Variants in NOS1 observed in about 807,000 individuals in gnomAD.
NOS1 encodes the protein nitric oxide synthase 1.
Under a neutral mutation model 164.5 loss-of-function variants are expected in NOS1, and 51 were observed. The ratio of observed to expected loss-of-function variants is 0.31; its 90% CI spans 0.25 to 0.39. NOS1 has a LOEUF of 0.39. Among genes scored for constraint, NOS1 ranks in the 10% least tolerant of loss-of-function variants. The pLI, the probability that NOS1 is intolerant of heterozygous loss-of-function variation, is 1.00. For missense variants in NOS1, 1,362 were observed against 1,885.6 expected (o/e 0.72, Z 5.14); for synonymous variants, 719 against 745.8 (o/e 0.96, Z 0.59).
At position 117,238,458 on chromosome 12, in the gene NOS1, G is replaced by A. The variant is rs1869899073; in HGVS notation, c.3042-3700C>T. Among the ~76,000 whole-genome samples the A allele has an allele frequency of 2.0e-5, 3 of 152,266 alleles. No homozygotes were observed. The South Asian group carries it at 6.2e-4, about 32-fold the overall frequency. ...CCCCCCTGCATTTCACCGTGGATCTGGCAACCCATTTCTCCAGGACCCCTC... is the reference window on the plus strand; with the variant it reads ...CCCCCCTGCATTTCACCGTGGATCTAGCAACCCATTTCTCCAGGACCCCTC... On this transcript the variant is annotated intron_variant, in intron 20 of 28. Transcript: ENST00000317775.
At chr12:117,326,922 G>A (rs2136071116) in intron 2 of NOS1, among the ~76,000 whole-genome samples, 1 of 152,274 alleles carries the variant, frequency 6.6e-6, no homozygotes, top group Non-Finnish European at 1.5e-5. Context: ...CTGGGGGAGA[G>A]GATCAAACGA....
At chr12:117,288,826 T>C (rs927889454) in intron 4 of NOS1, among the ~76,000 whole-genome samples, 1 of 152,172 alleles carries the variant, frequency 6.6e-6, no homozygotes, top group African/African-American at 2.4e-5. Flanking sequence ...AAGCCCAAGC[T>C]AGCTTGCTGG....
intron 1 of NOS1, among the ~76,000 whole-genome samples, chr12:117,355,167 T>C (rs1876801040): frequency 3.3e-5 from 5 of 152,124 alleles, no homozygotes; most frequent in Admixed American, 3.3e-4. Flanking sequence ...GCATCTTGGA[T>C]GGTCAAAAAG....
Position 117,263,917 on chromosome 12 carries a change from G to A in NOS1, c.2194C>T (p.Arg732Ter). 2 of 1,613,802 alleles carry A rather than the reference G, an allele frequency of 1.2e-6. No individual in the cohort carries two copies. Among genetic ancestry groups the A allele is most frequent in the Non-Finnish European group, 1.7e-6 (2 of 1,179,892 alleles). ...KGTNGTPTKR[R>*]AIGFKKLAEA... ...GCTAGCTTCTTGAAGCCAATGGCTCGCCGCTTTGTGGGGGTCCCGTTGGTG... is the reference window on the plus strand; with the variant it reads ...GCTAGCTTCTTGAAGCCAATGGCTCACCGCTTTGTGGGGGTCCCGTTGGTG... Residue 732 changes from arginine (R) to a stop codon, truncating the protein, a stop_gained, in exon 13 of 29, where the codon CGA becomes TGA. Transcript: ENST00000317775. LOFTEE classifies it high-confidence loss of function.
At chr12:117,294,050 CA>C (rs1344732814) in intron 3 of NOS1, among the ~76,000 whole-genome samples, 1 of 152,186 alleles carries the variant, frequency 6.6e-6, no homozygotes, top group African/African-American at 2.4e-5. Context: ...ATTGTGCCCA[CA>C]ACCTGTATCA....
chr12:117,344,146 G>A (rs1566084912), intron 1 of NOS1, among the ~76,000 whole-genome samples: 3 of 152,166 alleles, frequency 2.0e-5, no homozygotes, highest in African/African-American at 4.8e-5. Flanking sequence ...AGGACAGGAG[G>A]GAAAATATTC....
intron 2 of NOS1, among the ~76,000 whole-genome samples, chr12:117,326,975 A>G (rs922028414): frequency 3.3e-5 from 5 of 152,138 alleles, no homozygotes; most frequent in Non-Finnish European, 7.3e-5. Flanking sequence ...TCTGGAAGAG[A>G]GGGTGCACTG....
chr12:117,243,813 T>C lies in NOS1; in HGVS notation c.2824-378A>G, dbSNP rs1870398282. On this transcript the variant is annotated intron_variant, in intron 18 of 28. Transcript: ENST00000317775. The surrounding 1 kb of genome is among the most constrained non-coding windows in gnomAD (Gnocchi z 4.3). Reference sequence around the variant, plus strand: ...CCATGCATCCATCCTTCCCTCCATCTACCCACCCACTCATCCATCTTTCCA... The same window carrying C: ...CCATGCATCCATCCTTCCCTCCATCCACCCACCCACTCATCCATCTTTCCA... Among the ~76,000 whole-genome samples, 1 of 144,964 alleles carries C rather than the reference T, an allele frequency of 6.9e-6. No homozygotes were observed. The highest frequency in any genetic ancestry group is 2.5e-5 in the African/African-American group (1 of 39,692).
intron 2 of NOS1, among the ~76,000 whole-genome samples, chr12:117,329,557 G>A (rs1227045991): frequency 6.6e-6 from 1 of 152,114 alleles, no homozygotes; most frequent in Non-Finnish European, 1.5e-5. Flanking sequence ...ACTTCTCTCT[G>A]TGTTTAATCT....
chr12:117,333,996 A>G (rs1875678471), intron 1 of NOS1, among the ~76,000 whole-genome samples: 1 of 152,242 alleles, frequency 6.6e-6, no homozygotes, highest in African/African-American at 2.4e-5. Context: ...AGCAACTGAA[A>G]GGCGACCTCT....
In NOS1 at chr12:117,215,032, C is replaced by T. The variant is rs996653182; in HGVS notation, c.*277G>A. 3.4e-6 allele frequency: 4 copies of T among 1,184,854 alleles called. No homozygotes were observed. The highest frequency in any genetic ancestry group is 7.2e-5 in the East Asian group (2 of 27,700). The allele number at this position is 1,184,854 out of a possible 1,614,324, so 73.4% of individuals were successfully genotyped here. ...CCATGTTCCAGTGGTTTCATGCACC[C>T]GTGAGTTGCCCTTGTCGGCAAGAGA... On this transcript the variant is annotated 3_prime_UTR_variant, in exon 29 of 29. Transcript: ENST00000317775.
intron 3 of NOS1, among the ~76,000 whole-genome samples, chr12:117,294,817 C>T (rs973295008): frequency 3.3e-5 from 5 of 152,120 alleles, no homozygotes; most frequent in Non-Finnish European, 5.9e-5. Flanking sequence ...GACATTGGCT[C>T]GCTCTTTGTG....
chr12:117,268,016 C>A, intron 11 of NOS1, 27 bp downstream of exon 11: 4 of 1,511,148 alleles, frequency 2.6e-6, no homozygotes, highest in Non-Finnish European at 3.7e-6. Context: ...TGAAGCTTGA[C>A]CCTGGTGGTG....
intron 6 of NOS1, 21 bp downstream of exon 6, chr12:117,286,083 G>A: frequency 6.2e-7 from 1 of 1,613,666 alleles, no homozygotes; most frequent in Non-Finnish European, 8.5e-7. Flanking sequence ...GCTCTTCAAG[G>A]TATCTGACTT....
intron 16 of NOS1, among the ~76,000 whole-genome samples, chr12:117,254,753 G>A (rs1871315606): frequency 6.6e-6 from 1 of 152,192 alleles, no homozygotes; most frequent in Non-Finnish European, 1.5e-5. Context: ...CATTTCAGGG[G>A]CTCCGGAGCC....
intron 16 of NOS1, among the ~76,000 whole-genome samples, chr12:117,256,780 A>C (rs1264561679): frequency 6.6e-6 from 1 of 151,880 alleles, no homozygotes; most frequent in Non-Finnish European, 1.5e-5. Flanking sequence ...TCATTAACAA[A>C]AATTTTTTTG....
intron 2 of NOS1, among the ~76,000 whole-genome samples, chr12:117,320,737 T>C (rs537881401): frequency 6.6e-6 from 1 of 152,340 alleles, no homozygotes; most frequent in East Asian, 1.9e-4. Context: ...CCACTCACTA[T>C]GCTCAAGCCC....
intron 2 of NOS1, among the ~76,000 whole-genome samples, chr12:117,329,813 G>A (rs1386495632): frequency 2.6e-5 from 4 of 152,154 alleles, no homozygotes; most frequent in Non-Finnish European, 5.9e-5. Context: ...TACTCCTTCA[G>A]AATTTTACGC....
At chr12:117,236,793 G>A (rs979464496) in intron 20 of NOS1, among the ~76,000 whole-genome samples, 1 of 152,214 alleles carries the variant, frequency 6.6e-6, no homozygotes. Flanking sequence ...AAATGCAGAG[G>A]ACCCAAACTT....
Sources: gnomAD v4.1 joint callset for allele counts (sites outside exome capture counted in the v4.1 genomes callset) on GRCh38, gnomAD v4.1.1 for gene constraint, Gnocchi (gnomAD v3.1) non-coding constraint, MANE v1.5 for transcripts, NCBI Gene and HGNC (gene_info 2026-07-23, HGNC 2026-07-21) for gene names.